The following EIF3L variants were observed in gnomAD, a reference collection of about 807,000 sequenced individuals.
EIF3L encodes eIEF associated protein HSPC021.
EIF3L carries 32 observed loss-of-function variants against 74.6 expected under a neutral mutation model. That is an observed-to-expected ratio of 0.43 (90% CI 0.32 to 0.58). The LOEUF is 0.58. Among genes scored for constraint, EIF3L ranks in the 20% least tolerant of loss-of-function variants. EIF3L has a pLI of 0.06. For missense variants in EIF3L, 474 were observed against 707.8 expected (o/e 0.67, Z 3.75); for synonymous variants, 256 against 254.4 (o/e 1.01, Z -0.06).
rs551076997 is a variant in EIF3L at position 37,869,847 on chromosome 22, G to T, written c.580-329G>T. ...GCCCCTGTGGTGTTTCTGGTGGCCCGGTCAACTGCATTGTGAGGCCCAGAG... is the reference window on the plus strand; with the variant it reads ...GCCCCTGTGGTGTTTCTGGTGGCCCTGTCAACTGCATTGTGAGGCCCAGAG... On this transcript the variant is annotated intron_variant, in intron 7 of 12. Transcript: ENST00000652021. 9.9e-5 allele frequency among the ~76,000 whole-genome samples: 15 copies of T among 152,222 alleles called. No homozygotes were observed. The South Asian group carries it at 3.1e-3, about 32-fold the overall frequency.
intron 11 of EIF3L, chr22:37,885,007 C>T (rs1318465807): frequency 6.8e-6 from 1 of 147,268 alleles, no homozygotes; most frequent in African/African-American, 2.5e-5. Context: ...AGCCTCAACT[C>T]CCGGGGGCTC....
intron 3 of EIF3L, among the ~76,000 whole-genome samples, chr22:37,853,960 T>C (rs1200307866): frequency 6.6e-6 from 1 of 152,216 alleles, no homozygotes; most frequent in Admixed American, 6.5e-5. Flanking sequence ...CTAACTGAAA[T>C]TTAAAATTTA....
In EIF3L at chr22:37,870,243, G is replaced by A. The variant is rs750311863; in HGVS notation, c.647G>A (p.Arg216His). Residue 216 changes from arginine (R) to histidine (H), a missense_variant, in exon 8 of 13, where the codon CGT (arginine) becomes CAT (histidine). This residue lies in a region of EIF3L where 293 missense variants were observed against 469.1 expected (regional missense o/e 0.62). Coordinates refer to ENST00000652021, the MANE Select transcript of EIF3L (RefSeq NM_016091.4). Reference protein sequence around the residue: ...KKSEEEIDFLRSNPKIWNVHS... With the variant: ...KKSEEEIDFLHSNPKIWNVHS... ...TCAGAGGAGGAGATTGACTTTCTTC[G>A]TTCCAATCCCAAAATCTGGAATGTT... is the stretch of plus-strand genomic sequence containing the variant. The A allele has an allele frequency of 5.6e-6, 9 of 1,613,826 alleles. No individual in the cohort carries two copies. The highest frequency in any genetic ancestry group is 4.2e-6 in the Non-Finnish European group (5 of 1,179,856).
At chr22:37,867,971 GAAA>G (rs1264390184) in intron 7 of EIF3L, among the ~76,000 whole-genome samples, 1 of 145,518 alleles carries the variant, frequency 6.9e-6, no homozygotes, top group Non-Finnish European at 1.5e-5. Flanking sequence ...AAAAAAAAAA[GAAA>G]AAGAAAAAAA....
intron 11 of EIF3L, chr22:37,882,666 G>C (rs552792755): frequency 2.0e-5 from 3 of 151,674 alleles, no homozygotes; most frequent in Non-Finnish European, 4.4e-5. Flanking sequence ...AACAGAGTGA[G>C]AGACTGTCTC....
At chr22:37,863,659 C>T (rs536703933) in intron 7 of EIF3L, among the ~76,000 whole-genome samples, 9 of 152,300 alleles carry the variant, frequency 5.9e-5, no homozygotes, top group African/African-American at 2.2e-4. Context: ...TGGATTCTAA[C>T]TTGGGTGCTG....
At chr22:37,869,545 G>A (rs1157902792) in intron 7 of EIF3L, among the ~76,000 whole-genome samples, 1 of 152,156 alleles carries the variant, frequency 6.6e-6, no homozygotes, top group East Asian at 1.9e-4. Flanking sequence ...GAGTAGGTAG[G>A]TCTGTTGTGT....
At position 37,886,903 on chromosome 22, in the gene EIF3L, T is replaced by A. The variant is rs764958261; in HGVS notation, c.1656+58T>A. ...CTCAGGACAGAGCTTAGGAACTGAATCGAGAGTTTACTTTTTTTTAATTTT... is the reference window on the plus strand; with the variant it reads ...CTCAGGACAGAGCTTAGGAACTGAAACGAGAGTTTACTTTTTTTTAATTTT... On this transcript the variant is annotated intron_variant, in intron 12 of 12. Transcript: ENST00000652021. 11 of 1,381,660 alleles carry A rather than the reference T, an allele frequency of 8.0e-6. No homozygotes were observed. In the African/African-American group the frequency reaches 1.6e-4, roughly 20 times the overall value. 85.6% of individuals were successfully genotyped at this position (1,381,660 alleles called of 1,614,324 possible).
At chr22:37,849,618 C>G in intron 1 of EIF3L, 136 bp downstream of exon 1, 1 of 977,256 alleles carries the variant, frequency 1.0e-6, no homozygotes. Flanking sequence ...TCAGGCTGCT[C>G]CCACAGTTCC....
intron 7 of EIF3L, among the ~76,000 whole-genome samples, chr22:37,865,877 A>G (rs1175146266): frequency 1.3e-5 from 2 of 152,182 alleles, no homozygotes; most frequent in African/African-American, 4.8e-5. Context: ...TCTTAAGATA[A>G]TCATAATTCC....
In EIF3L at chr22:37,874,446, G is replaced by A. The variant is rs777215673; in HGVS notation, c.828G>A (p.Gly276=). 4 of 1,614,140 alleles carry A rather than the reference G, an allele frequency of 2.5e-6. No homozygotes were observed. The highest frequency in any genetic ancestry group is 3.4e-6 in the Non-Finnish European group (4 of 1,180,006). ...TGCTTGGTTACTTCAGCCTGGTCGG[G>A]CTTCTCCGCCTGCACTCCCTGTTAG... ...YKMLGYFSLV[G]LLRLHSLLGD... The change falls in exon 9 of 13, where the codon GGG becomes GGA. Residue 276 remains glycine, a synonymous_variant. Transcript: ENST00000652021.
intron 7 of EIF3L, among the ~76,000 whole-genome samples, chr22:37,869,567 G>C (rs1926362774): frequency 6.6e-6 from 1 of 152,162 alleles, no homozygotes; most frequent in Admixed American, 6.6e-5. Flanking sequence ...CCATCTGTGT[G>C]ACTGCTGGAG....
chr22:37,875,090 C>T (rs917269158), intron 9 of EIF3L, among the ~76,000 whole-genome samples: 2 of 150,980 alleles, frequency 1.3e-5, no homozygotes, highest in African/African-American at 4.9e-5. Flanking sequence ...TTGAGAAGGC[C>T]AGACGCAGTG....
chr22:37,873,019 T>TG (rs1484146884), intron 8 of EIF3L, among the ~76,000 whole-genome samples: 1 of 152,004 alleles, frequency 6.6e-6, no homozygotes, highest in Non-Finnish European at 1.5e-5. Context: ...GACAGAGTCT[T>TG]GCTCTGTAGC....
intron 7 of EIF3L, among the ~76,000 whole-genome samples, chr22:37,868,818 T>C (rs768704900): frequency 2.0e-5 from 3 of 151,756 alleles, no homozygotes; most frequent in African/African-American, 4.8e-5. Context: ...AGTTTTGCAT[T>C]TTTTGTACAG....
At chr22:37,883,836 C>G (rs1927184605) in intron 11 of EIF3L, 1 of 152,142 alleles carries the variant, frequency 6.6e-6, no homozygotes, top group African/African-American at 2.4e-5. Context: ...ATCGCTTTAG[C>G]CTAGGAGGTG....
At chr22:37,855,678 G>A (rs374976352) in intron 4 of EIF3L, 34 bp downstream of exon 4, 7 of 1,548,826 alleles carry the variant, frequency 4.5e-6, no homozygotes, top group African/African-American at 1.4e-5. Context: ...TGTGCACTGA[G>A]TGGAATCCAG....
intron 11 of EIF3L, chr22:37,884,401 G>T (rs1274854430): frequency 1.3e-5 from 2 of 151,906 alleles, no homozygotes; most frequent in Non-Finnish European, 2.9e-5. Flanking sequence ...AGAAGTTATT[G>T]TGTGAACATA....
chr22:37,882,551 C>T (rs1421196444), intron 11 of EIF3L: 1 of 151,968 alleles, frequency 6.6e-6, no homozygotes, highest in South Asian at 2.1e-4. Flanking sequence ...GTGGTGCGTT[C>T]CTGTAATCCC....
Sources: allele counts gnomAD v4.1 joint callset (sites outside exome capture counted in the v4.1 genomes callset), GRCh38; gene constraint gnomAD v4.1.1; regional missense constraint gnomAD v4.1.1; transcripts MANE v1.5; gene names NCBI Gene and HGNC (gene_info 2026-07-23, HGNC 2026-07-21).